Variants in DNAJC11 observed in about 807,000 individuals in gnomAD.
DNAJC11 encodes dnaJ homolog subfamily C member 11.
DNAJC11 carries 15 observed loss-of-function variants against 78.6 expected under a neutral mutation model. The ratio of observed to expected loss-of-function variants is 0.19; its 90% confidence interval spans 0.13 to 0.29. DNAJC11 has a LOEUF of 0.29. DNAJC11 is among the 10% of genes least tolerant of loss of function. DNAJC11 has a pLI of 1.00. For missense variants in DNAJC11, 547 were observed against 709.6 expected (o/e 0.77, Z 2.60); for synonymous variants, 292 against 272.1 (o/e 1.07, Z -0.72).
At position 6,642,475 on chromosome 1, in the gene DNAJC11, AG is replaced by A. The variant is rs149468516; in HGVS notation, c.1097+2082del. Among the ~76,000 whole-genome samples, 1,165 of 152,196 alleles carry A rather than the reference AG, an allele frequency of 7.7e-3. 6 individuals carry two copies. The highest frequency in any genetic ancestry group is 0.054 in the Middle Eastern group (16 of 294). On this transcript the variant is annotated intron_variant, in intron 10 of 15. Transcript: ENST00000377577. ...ATATGTATGATTTGGAGTGTGGGAGAGAAAGAGATCGAGGCTGACTCCAAGG... is the reference window on the plus strand; with the variant it reads ...ATATGTATGATTTGGAGTGTGGGAGAAAAGAGATCGAGGCTGACTCCAAGG...
At chr1:6,651,945 G>T (rs2294530) in intron 6 of DNAJC11, among the ~76,000 whole-genome samples, 21,444 of 138,612 alleles carry the variant, frequency 0.15, 1,952 homozygotes, top group Non-Finnish European at 0.21. Context: ...CCCGCCACCT[G>T]CAGAGCACCG....
In DNAJC11 at chr1:6,634,245, C is replaced by A; in HGVS notation, c.*1430G>T. 1.1e-6 allele frequency: 1 copy of A among 872,030 alleles called. No individual in the cohort carries two copies. The highest frequency in any genetic ancestry group is 1.7e-6 in the Non-Finnish European group (1 of 575,970). 54.0% of individuals were successfully genotyped at this position (872,030 alleles called of 1,614,324 possible). A position where few individuals can be genotyped will look rare whatever the true frequency, so the allele number is the denominator to read the frequency against. ...CAAATGAAACGCAGAGGATGGGTGC[C>A]CAGAAGCACCTGCGGCAGAGGCGCA... On this transcript the variant is annotated 3_prime_UTR_variant, in exon 16 of 16. Coordinates refer to ENST00000377577, the MANE Select transcript of DNAJC11 (RefSeq NM_018198.4).
chr1:6,641,406 TACACAC>T (rs70981395), intron 10 of DNAJC11, among the ~76,000 whole-genome samples: 6 of 140,128 alleles, frequency 4.3e-5, no homozygotes, highest in South Asian at 2.2e-4. Flanking sequence ...TATATATATA[TACACAC>T]ACACACACAC....
Position 6,636,063 on chromosome 1 carries a change from G to A in DNAJC11, c.1654+54C>T, listed in dbSNP as rs530734233. 45 of 1,574,186 alleles carry A rather than the reference G, an allele frequency of 2.9e-5. No homozygotes were observed. In the Admixed American group the frequency reaches 5.2e-4, roughly 18 times the overall value. ...CTGGCAGCCCACACACTGAGCAGCC[G>A]CTTCGAGGTCCCCGCCCCCGTTAGC... is the stretch of plus-strand genomic sequence containing the variant. On this transcript the variant is annotated intron_variant, in intron 15 of 15. Coordinates refer to ENST00000377577, the MANE Select transcript of DNAJC11 (RefSeq NM_018198.4).
chr1:6,671,174 T>C (rs1012396462), intron 3 of DNAJC11, among the ~76,000 whole-genome samples: 9 of 152,222 alleles, frequency 5.9e-5, no homozygotes, highest in African/African-American at 1.7e-4. Flanking sequence ...GGATGCAGGA[T>C]GTTCCAATCT....
intron 1 of DNAJC11, among the ~76,000 whole-genome samples, chr1:6,682,979 C>T (rs571773876): frequency 1.3e-5 from 2 of 152,110 alleles, no homozygotes; most frequent in South Asian, 2.1e-4. Context: ...GAGAGCTTCC[C>T]GCTGGTTTGG....
At chr1:6,673,277 A>ACCCCATCT (rs1304464523) in intron 3 of DNAJC11, among the ~76,000 whole-genome samples, 1 of 151,450 alleles carries the variant, frequency 6.6e-6, no homozygotes, top group East Asian at 1.9e-4. Flanking sequence ...ACATAGTGAG[A>ACCCCATCT]CCCCATCTCT....
chr1:6,642,483 A>AG (rs1376026005), intron 10 of DNAJC11, among the ~76,000 whole-genome samples: 1 of 152,086 alleles, frequency 6.6e-6, no homozygotes, highest in African/African-American at 2.4e-5. Context: ...AGAGAAAGAG[A>AG]TCGAGGCTGA....
chr1:6,690,213 T>TAC (rs1048007866), intron 1 of DNAJC11, among the ~76,000 whole-genome samples: 2 of 152,164 alleles, frequency 1.3e-5, no homozygotes, highest in African/African-American at 4.8e-5. Flanking sequence ...TATATATATA[T>TAC]ACCAGATCAA....
chr1:6,697,887 C>T (rs1642862786), intron 1 of DNAJC11, among the ~76,000 whole-genome samples: 2 of 151,916 alleles, frequency 1.3e-5, no homozygotes. Flanking sequence ...TCACTGCAAG[C>T]TCCGCCTCCT....
Position 6,645,950 on chromosome 1 carries a change from A to G in DNAJC11, c.733T>C (p.Phe245Leu). Reference protein sequence around the residue: ...CFVTTNCALQFSSRGIRPGLT... With the variant: ...CFVTTNCALQLSSRGIRPGLT... The stretch of plus-strand genomic sequence containing the variant: ...CCGGGTCGGATTCCACGGGATGAAA[A>G]CTGCAGAGCACAGTTTGTTGTCACA... The change falls in exon 8 of 16, where the codon TTT becomes CTT. Residue 245 changes from phenylalanine to leucine, a missense_variant. By Grantham distance (22) the Phe-to-Leu change is conservative. Transcript: ENST00000377577. The surrounding 1 kb of genome is among the most constrained non-coding windows in gnomAD (Gnocchi z 4.1). 1 of 1,614,058 alleles carries G rather than the reference A, an allele frequency of 6.2e-7. No homozygotes were observed. Among genetic ancestry groups the G allele is most frequent in the Non-Finnish European group, 8.5e-7 (1 of 1,180,000 alleles).
chr1:6,700,703 A>G (rs917845596), intron 1 of DNAJC11, among the ~76,000 whole-genome samples: 2 of 152,242 alleles, frequency 1.3e-5, no homozygotes, highest in African/African-American at 2.4e-5. Context: ...CCCACACAAG[A>G]TAAGTTTGTA....
Position 6,634,385 on chromosome 1 carries a change from C to A in DNAJC11, c.*1290G>T, listed in dbSNP as rs1018895500. The A allele has an allele frequency of 1.7e-6, 2 of 1,196,666 alleles. No individual in the cohort carries two copies. The highest frequency in any genetic ancestry group is 2.2e-6 in the Non-Finnish European group (2 of 917,278). 74.1% of individuals were successfully genotyped at this position (1,196,666 alleles called of 1,614,324 possible). A position where few individuals can be genotyped will look rare whatever the true frequency, so the allele number is the denominator to read the frequency against. On this transcript the variant is annotated 3_prime_UTR_variant, in exon 16 of 16. Coordinates refer to ENST00000377577, the MANE Select transcript of DNAJC11 (RefSeq NM_018198.4). ...GATGAATGTTACAGAATTGGACAACCCGAACTGCTTTTCAAAACCAGAGGA... is the reference window on the plus strand; with the variant it reads ...GATGAATGTTACAGAATTGGACAACACGAACTGCTTTTCAAAACCAGAGGA...
chr1:6,695,854 G>A (rs940226068), intron 1 of DNAJC11, among the ~76,000 whole-genome samples: 1 of 151,796 alleles, frequency 6.6e-6, no homozygotes, highest in Non-Finnish European at 1.5e-5. Flanking sequence ...AATTACTAGC[G>A]TTGAAGCATA....
intron 4 of DNAJC11, among the ~76,000 whole-genome samples, chr1:6,665,068 T>C (rs976476811): frequency 1.3e-5 from 2 of 152,180 alleles, no homozygotes; most frequent in Non-Finnish European, 2.9e-5. Context: ...TCATCAAAAG[T>C]GTCCTTCTGT....
At position 6,634,801 on chromosome 1, in the gene DNAJC11, G is replaced by T. The variant is rs1312174437; in HGVS notation, c.*874C>A. ...CAGTGCCACCTGCTGGGTACCACGGGCCGGGCCTGGGGTCCACGCCTTTGG... is the reference window on the plus strand; with the variant it reads ...CAGTGCCACCTGCTGGGTACCACGGTCCGGGCCTGGGGTCCACGCCTTTGG... On this transcript the variant is annotated 3_prime_UTR_variant, in exon 16 of 16. Coordinates refer to ENST00000377577, the MANE Select transcript of DNAJC11 (RefSeq NM_018198.4). 1 of 1,290,842 alleles carries T rather than the reference G, an allele frequency of 7.7e-7. No homozygotes were observed. Among genetic ancestry groups the T allele is most frequent in the Non-Finnish European group, 1.0e-6 (1 of 981,676 alleles). 80.0% of individuals were successfully genotyped at this position (1,290,842 alleles called of 1,614,324 possible).
intron 1 of DNAJC11, among the ~76,000 whole-genome samples, chr1:6,697,362 GAAGAT>G (rs1408757816): frequency 5.9e-5 from 9 of 152,218 alleles, no homozygotes; most frequent in African/African-American, 2.4e-5. Flanking sequence ...TGGTTTCATG[GAAGAT>G]AATTTTTCCA....
At chr1:6,662,130 T>TTG (rs1557476682) in intron 4 of DNAJC11, among the ~76,000 whole-genome samples, 4 of 146,578 alleles carry the variant, frequency 2.7e-5, no homozygotes, top group African/African-American at 7.5e-5. Context: ...TGTTTTTTGT[T>TTG]TTTTGTTTTT....
chr1:6,681,036 G>T lies in DNAJC11; in HGVS notation c.74C>A (p.Ala25Asp), dbSNP rs1642542593. The T allele has an allele frequency of 6.3e-7, 1 of 1,594,144 alleles. No individual in the cohort carries two copies. Among genetic ancestry groups the T allele is most frequent in the Admixed American group, 1.8e-5 (1 of 55,398 alleles). ...GGCAGCTTTCAGCTCTTCAGAAGAG[G>T]CCTAAAGAAAGAAAAATTCAATTAG... Reference protein sequence around the residue: ...YYSLLNVRREASSEELKAAYR... With the variant: ...YYSLLNVRREDSSEELKAAYR... The change falls in exon 2 of 16, where the codon GCC (alanine) becomes GAC (aspartate). Residue 25 changes from alanine (A) to aspartate (D), a missense_variant and splice_region_variant. Ala to Asp is a moderately radical substitution (Grantham distance 126). Transcript: ENST00000377577.
Sources: allele counts gnomAD v4.1 joint callset (sites outside exome capture counted in the v4.1 genomes callset), GRCh38; gene constraint gnomAD v4.1.1; non-coding constraint Gnocchi (gnomAD v3.1); transcripts MANE v1.5; gene names NCBI Gene and HGNC (gene_info 2026-07-23, HGNC 2026-07-21).